The following DDN variants were observed in gnomAD, a reference collection of about 807,000 sequenced individuals.
The protein encoded by DDN is dendrin.
In DDN, 4 loss-of-function variants were observed where a neutral mutation model predicts 7.3. The ratio of observed to expected loss-of-function variants is 0.55; its 90% CI spans 0.27 to 1.25. The LOEUF is 1.25. Ranked by LOEUF, DDN falls within the 50% of genes most tolerant of loss-of-function variation. The pLI is 0.12. For missense variants in DDN, 933 were observed against 974.7 expected, an observed-to-expected ratio of 0.96 and a Z score of 0.57; for synonymous variants, 425 against 424.3, an observed-to-expected ratio of 1.00 and a Z score of -0.02.
In DDN at chr12:48,996,522, AT is replaced by A; in HGVS notation, c.*217del. 1.3e-6 allele frequency: 1 copy of A among 767,174 alleles called. No homozygotes were observed. The highest frequency in any genetic ancestry group is 2.0e-6 in the Non-Finnish European group (1 of 503,564). The allele number at this position is 767,174 out of a possible 1,614,324, so 47.5% of individuals were successfully genotyped here. A position where few individuals can be genotyped will look rare whatever the true frequency, so the allele number is the denominator to read the frequency against. On this transcript the variant is annotated 3_prime_UTR_variant, in exon 2 of 2. Coordinates refer to ENST00000421952, the MANE Select transcript of DDN (RefSeq NM_015086.2). ...AAGAGCTCACCCTTGTGCCCTGAAC[AT>A]AACAGACATTAATTAAATCTGCTCA...
At position 48,998,673 on chromosome 12, in the gene DDN, C is replaced by A. The variant is rs1180786563; in HGVS notation, c.210-7G>T. 3.4e-6 allele frequency: 5 copies of A among 1,490,596 alleles called. 1 individual carries two copies. The South Asian group carries it at 6.6e-5, about 20-fold the overall frequency. 92.3% of individuals were successfully genotyped at this position (1,490,596 alleles called of 1,614,324 possible). On this transcript the variant is annotated splice_region_variant and splice_polypyrimidine_tract_variant and intron_variant, in intron 1 of 1. Transcript: ENST00000421952. ...TCCCGGGCGCGGCCCACACCTGGGA[C>A]AATGAGCAGGAACCCAGGTGAGCAG...
rs1941226016 is a variant in DDN, at chr12:48,997,490, T to C, written c.1386A>G (p.Ile462Met). Residue 462 changes from isoleucine to methionine, a missense_variant, in exon 2 of 2, where the codon ATA becomes ATG. Coordinates refer to ENST00000421952, the MANE Select transcript of DDN (RefSeq NM_015086.2). ...GGGGGGTTGGAACATATTGGGATCG[T>C]ATCACTACGCACGTGGCGTCAATGA... Reference protein sequence around the residue: ...VFVIDATCVVIRSQYVPTPRT... With the variant: ...VFVIDATCVVMRSQYVPTPRT... 3.7e-6 allele frequency: 6 copies of C among 1,611,444 alleles called. No homozygotes were observed. The highest frequency in any genetic ancestry group is 5.1e-6 in the Non-Finnish European group (6 of 1,177,966).
Position 48,999,088 on chromosome 12 carries a change from T to G in DDN, c.200A>C (p.Gln67Pro). The change falls in exon 1 of 2, where the codon CAG (glutamine) becomes CCG (proline). Residue 67 changes from glutamine (Q) to proline (P), a missense_variant. By Grantham distance (76) the Gln-to-Pro change is moderately conservative (BLOSUM62 -1). Transcript: ENST00000421952. ...FQASHWARGF[Q>P]NRTCGPRPGS... ...CCCCTGCTTCACTCACGTGCGGTTC[T>G]GGAACCCGCGAGCCCAGTGGCTGGC... 4 of 1,614,014 alleles carry G rather than the reference T, an allele frequency of 2.5e-6. No individual in the cohort carries two copies. Among genetic ancestry groups the G allele is most frequent in the Non-Finnish European group, 3.4e-6 (4 of 1,179,970 alleles).
At position 48,996,794 on chromosome 12, in the gene DDN, G is replaced by A. The variant is rs141674338; in HGVS notation, c.2082C>T (p.Leu694=). 1.2e-6 allele frequency: 2 copies of A among 1,614,162 alleles called. No homozygotes were observed. The highest frequency in any genetic ancestry group is 1.7e-6 in the Non-Finnish European group (2 of 1,180,010). Residue 694 remains leucine, a synonymous_variant, in exon 2 of 2, where the codon CTC becomes CTT. Transcript: ENST00000421952. Reference sequence around the variant, plus strand: ...TCCCTCTGATGTCCCTCACCCCGAAGAGGACCTCCTCGGTTTGGCTTATGA... The same window carrying A: ...TCCCTCTGATGTCCCTCACCCCGAAAAGGACCTCCTCGGTTTGGCTTATGA... ...LDVISQTEEV[L]FGVRDIRGTQ...
rs1371191341 is a variant in DDN, at chr12:48,998,225, T to TG, written c.650dup (p.Arg218ThrfsTer21). On this transcript the variant is annotated frameshift_variant, in exon 2 of 2. Transcript: ENST00000421952. LOFTEE classifies it low-confidence loss of function (END_TRUNC). ...GTGGCGGCCGGTCCCAGCGGCGTCG[T>TG]GGGGCGGTCCCGGCAGAACCTCTCA... is the stretch of plus-strand genomic sequence containing the variant. The TG allele has an allele frequency of 6.2e-7, 1 of 1,612,404 alleles. No individual in the cohort carries two copies. Among genetic ancestry groups the TG allele is most frequent in the Non-Finnish European group, 8.5e-7 (1 of 1,179,762 alleles).
chr12:48,997,222 G>T lies in DDN; in HGVS notation c.1654C>A (p.Pro552Thr). ...EERTFRILGL[P>T]APEVNLRDAP... ...TCCCGCAGGTTTACTTCGGGGGCCG[G>T]GAGCCCCAAGATGCGGAAAGTGCGC... The change falls in exon 2 of 2, where the codon CCG (proline) becomes ACG (threonine). Residue 552 changes from proline to threonine, a missense_variant. By Grantham distance (38) the Pro-to-Thr change is conservative (BLOSUM62 -1). Coordinates refer to ENST00000421952, the MANE Select transcript of DDN (RefSeq NM_015086.2). The T allele has an allele frequency of 6.3e-7, 1 of 1,588,198 alleles. No homozygotes were observed. Among genetic ancestry groups the T allele is most frequent in the South Asian group, 1.1e-5 (1 of 87,628 alleles).
rs1470287215 is a variant in DDN at position 48,997,595 on chromosome 12, C to T, written c.1281G>A (p.Leu427=). 2 of 1,572,956 alleles carry T rather than the reference C, an allele frequency of 1.3e-6. No individual in the cohort carries two copies. Among genetic ancestry groups the T allele is most frequent in the Non-Finnish European group, 1.7e-6 (2 of 1,157,202 alleles). ...GLGEGAGPET[L]EGWKATRRAH... is the part of the protein sequence containing the mutation. ...CACGGCGGGTCGCCTTCCAACCCTC[C>T]AGGGTCTCCGGTCCTGCCCCCTCTC... The change falls in exon 2 of 2, where the codon CTG becomes CTA. Residue 427 remains leucine, a synonymous_variant. Transcript: ENST00000421952.
Position 48,996,729 on chromosome 12 carries a change from G to A in DDN, c.*11C>T, listed in dbSNP as rs750583649. ...GGATGCGTTGGGGACACAAATACAA[G>A]AAGGGGCCTCTCACTGCCTCTTCCT... is the stretch of plus-strand genomic sequence containing the variant. On this transcript the variant is annotated 3_prime_UTR_variant, in exon 2 of 2. Transcript: ENST00000421952. The A allele has an allele frequency of 6.2e-7, 1 of 1,609,612 alleles. No individual in the cohort carries two copies. The highest frequency in any genetic ancestry group is 1.7e-5 in the Admixed American group (1 of 59,886).
Position 48,999,291 on chromosome 12 carries a change from G to GGCCCCC in DDN, c.-5_-4insGGGGGC. ...AGAACAGTGGGCCATCCAGCATCCT[G>GGCCCCC]CCCCACCCCACCCCGGCCCCCCACC... On this transcript the variant is annotated 5_prime_UTR_variant, in exon 1 of 2. Coordinates refer to ENST00000421952, the MANE Select transcript of DDN (RefSeq NM_015086.2). The GGCCCCC allele has an allele frequency of 6.0e-6, 9 of 1,509,974 alleles. No homozygotes were observed. The highest frequency in any genetic ancestry group is 6.2e-6 in the Non-Finnish European group (7 of 1,125,506). 93.5% of individuals were successfully genotyped at this position (1,509,974 alleles called of 1,614,324 possible). A position where few individuals can be genotyped will look rare whatever the true frequency, so the allele number is the denominator to read the frequency against.
Position 48,997,766 on chromosome 12 carries a change from G to T in DDN, c.1110C>A (p.Gly370=). Residue 370 remains glycine, a synonymous_variant, in exon 2 of 2, where the codon GGC becomes GGA. Transcript: ENST00000421952. ...PAPRSRHHLK[G]SREGKEGEQI... is the part of the protein sequence containing the mutation. ...GTTCTCCTTCTTTCCCTTCCCTCGA[G>T]CCCTTGAGGTGGTGCCTGGATCTGG... 1.2e-6 allele frequency: 2 copies of T among 1,609,174 alleles called. No homozygotes were observed. The highest frequency in any genetic ancestry group is 1.7e-6 in the Non-Finnish European group (2 of 1,176,630).
rs1227129621 is a variant in DDN, at chr12:48,998,177, G to A, written c.699C>T (p.Tyr233=). The A allele has an allele frequency of 6.2e-7, 1 of 1,612,842 alleles. No individual in the cohort carries two copies. Among genetic ancestry groups the A allele is most frequent in the African/African-American group, 1.3e-5 (1 of 75,052 alleles). The change falls in exon 2 of 2, where the codon TAC becomes TAT. Residue 233 remains tyrosine, a synonymous_variant. Coordinates refer to ENST00000421952, the MANE Select transcript of DDN (RefSeq NM_015086.2). ...TCCCCAAGGTCCTATGGGGGCCTTC[G>A]TAAGAAGGTGGAGCCACGTAGGGTG... ...RPPPYVAPPS[Y]EGPHRTLGTK...
chr12:48,999,360 C>T lies in DDN; in HGVS notation c.-73G>A. ...GCCCCCTCCCAGCCCAGGGAGCCGG[C>T]GCCCACTGCAGAGCCGCGGGCCCGG... On this transcript the variant is annotated 5_prime_UTR_variant, in exon 1 of 2. Transcript: ENST00000421952. 7.1e-7 allele frequency: 1 copy of T among 1,407,178 alleles called. No individual in the cohort carries two copies. The highest frequency in any genetic ancestry group is 9.5e-7 in the Non-Finnish European group (1 of 1,054,396). The allele number at this position is 1,407,178 out of a possible 1,614,324, so 87.2% of individuals were successfully genotyped here.
In DDN at chr12:48,998,409, AGCT is replaced by A. The variant is rs2137641285; in HGVS notation, c.464_466del (p.Gln155del). ...CCGCAAGGGAGCAGGGAGCCCTGCC[AGCT>A]GGGCCACCCGAGGGGCGTTGCGGGG... On this transcript the variant is annotated inframe_deletion, in exon 2 of 2. Coordinates refer to ENST00000421952, the MANE Select transcript of DDN (RefSeq NM_015086.2). The A allele has an allele frequency of 6.7e-7, 1 of 1,502,562 alleles. No homozygotes were observed. The highest frequency in any genetic ancestry group is 1.4e-5 in the African/African-American group (1 of 69,268). The allele number at this position is 1,502,562 out of a possible 1,614,324, so 93.1% of individuals were successfully genotyped here. A position where few individuals can be genotyped will look rare whatever the true frequency, so the allele number is the denominator to read the frequency against.
intron 1 of DDN, 36 bp downstream of exon 1, chr12:48,999,043 C>A (rs1243036874): frequency 6.2e-7 from 1 of 1,609,772 alleles, no homozygotes; most frequent in South Asian, 1.1e-5. Context: ...ACTCCCCGCC[C>A]CACCACTCTC....
In DDN at chr12:48,997,188, G is replaced by T; in HGVS notation, c.1688C>A (p.Thr563Lys). ...APEVNLRDAP[T>K]QPGSPEHQAL... ...TTGGTGCTCTGGGCTACCTGGCTGCGTGGGGGCGTCCCGCAGGTTTACTTC... is the reference window on the plus strand; with the variant it reads ...TTGGTGCTCTGGGCTACCTGGCTGCTTGGGGGCGTCCCGCAGGTTTACTTC... The change falls in exon 2 of 2, where the codon ACG becomes AAG. Residue 563 changes from threonine to lysine, a missense_variant. Physicochemically the swap from Thr to Lys is moderately conservative, Grantham distance 78. Transcript: ENST00000421952. 1 of 1,569,694 alleles carries T rather than the reference G, an allele frequency of 6.4e-7. No individual in the cohort carries two copies. The highest frequency in any genetic ancestry group is 8.6e-7 in the Non-Finnish European group (1 of 1,158,346).
chr12:48,997,247 C>T lies in DDN; in HGVS notation c.1629G>A (p.Glu543=). Residue 543 remains glutamate, a synonymous_variant, in exon 2 of 2, where the codon GAG becomes GAA. Coordinates refer to ENST00000421952, the MANE Select transcript of DDN (RefSeq NM_015086.2). ...GGAGCCCCAAGATGCGGAAAGTGCG[C>T]TCCTCCAGTGTGGAGTCCCCCGGCC... ...GGRPGDSTLE[E]RTFRILGLPA... 1 of 1,602,826 alleles carries T rather than the reference C, an allele frequency of 6.2e-7. No homozygotes were observed. The highest frequency in any genetic ancestry group is 8.5e-7 in the Non-Finnish European group (1 of 1,174,484).
intron 1 of DDN, 113 bp from the exon 2 acceptor site, chr12:48,998,779 TGA>T (rs1349843710): frequency 1.5e-5 from 19 of 1,306,118 alleles, no homozygotes; most frequent in Admixed American, 2.9e-5. Flanking sequence ...GGGGTGTGTG[TGA>T]GTGTGTGCGC....
chr12:48,997,726 T>C lies in DDN; in HGVS notation c.1150A>G (p.Lys384Glu), dbSNP rs745813313. ...TTTTTAGGGGAGGGAATCCAGCATT[T>C]GGGAAACCAGATCTGTTCTCCTTCT... Reference protein sequence around the residue: ...GKEGEQIWFPKCWIPSPKKQP... With the variant: ...GKEGEQIWFPECWIPSPKKQP... Residue 384 changes from lysine (K) to glutamate (E), a missense_variant, in exon 2 of 2, where the codon AAA becomes GAA. Coordinates refer to ENST00000421952, the MANE Select transcript of DDN (RefSeq NM_015086.2). 3.8e-6 allele frequency: 6 copies of C among 1,587,734 alleles called. No individual in the cohort carries two copies. In the African/African-American group the frequency reaches 8.1e-5, roughly 21 times the overall value.
rs1385625101 is a variant in DDN at position 48,997,854 on chromosome 12, G to C, written c.1022C>G (p.Ala341Gly). 4 of 1,613,580 alleles carry C rather than the reference G, an allele frequency of 2.5e-6. No individual in the cohort carries two copies. In the East Asian group the frequency reaches 8.9e-5, roughly 36 times the overall value. The change falls in exon 2 of 2, where the codon GCA becomes GGA. Residue 341 changes from alanine to glycine, a missense_variant. By Grantham distance (60) the Ala-to-Gly change is moderately conservative. Coordinates refer to ENST00000421952, the MANE Select transcript of DDN (RefSeq NM_015086.2). Reference protein sequence around the residue: ...SHPQAKATGSAGTEIAPAGSA... With the variant: ...SHPQAKATGSGGTEIAPAGSA... ...CCCCGCAGGAGCTATCTCGGTGCCTGCGCTCCCTGTAGCTTTGGCTTGGGG... is the reference window on the plus strand; with the variant it reads ...CCCCGCAGGAGCTATCTCGGTGCCTCCGCTCCCTGTAGCTTTGGCTTGGGG...
Sources: gnomAD v4.1 joint callset for allele counts on GRCh38, gnomAD v4.1.1 for gene constraint, MANE v1.5 for transcripts, NCBI Gene and HGNC (gene_info 2026-07-23, HGNC 2026-07-21) for gene names.